The following CCDC60 variants were observed in gnomAD, a reference collection of about 807,000 sequenced individuals.
CCDC60 encodes the protein coiled-coil domain containing 60.
In CCDC60, 54 loss-of-function variants were observed where a neutral mutation model predicts 63.5. The observed-to-expected ratio is 0.85, with a 90% CI of 0.68 to 1.07. The LOEUF (loss-of-function observed/expected upper bound fraction) is 1.07. CCDC60 is among the 50% of genes least tolerant of loss of function. CCDC60 has a pLI of 0.00. For synonymous variants in CCDC60, 206 were observed against 238.8 expected (o/e 0.86, Z 1.27); for missense variants, 651 against 684.3 (o/e 0.95, Z 0.54).
chr12:119,515,402 C>T (rs1013982691), intron 7 of CCDC60, among the ~76,000 whole-genome samples: 1 of 151,468 alleles, frequency 6.6e-6, no homozygotes, highest in African/African-American at 2.4e-5. Context: ...CTCACTGCAG[C>T]CTTGACTTCC....
intron 4 of CCDC60, among the ~76,000 whole-genome samples, chr12:119,486,838 G>A (rs1362557616): frequency 2.0e-5 from 3 of 152,108 alleles, no homozygotes; most frequent in Non-Finnish European, 4.4e-5. Flanking sequence ...CTGAAGTGGT[G>A]CCTTCCTGGA....
intron 2 of CCDC60, among the ~76,000 whole-genome samples, chr12:119,462,710 C>T (rs924201855): frequency 3.3e-5 from 5 of 152,202 alleles, no homozygotes; most frequent in Admixed American, 3.3e-4. Flanking sequence ...CATCCTCAAA[C>T]TCCTGGCTTA....
intron 13 of CCDC60, among the ~76,000 whole-genome samples, 170 bp downstream of exon 13, chr12:119,531,233 G>A (rs1952832705): frequency 6.6e-6 from 1 of 152,164 alleles, no homozygotes; most frequent in Admixed American, 6.6e-5. Context: ...AACTCCAACT[G>A]CAAGGGACAT....
intron 2 of CCDC60, among the ~76,000 whole-genome samples, chr12:119,435,908 A>G (rs1950315727): frequency 6.6e-6 from 1 of 152,108 alleles, no homozygotes; most frequent in African/African-American, 2.4e-5. Flanking sequence ...ATTCTCTCAT[A>G]TGTTTGGAGG....
intron 2 of CCDC60, among the ~76,000 whole-genome samples, chr12:119,459,704 C>T (rs1396623209): frequency 6.6e-6 from 1 of 152,166 alleles, no homozygotes; most frequent in Non-Finnish European, 1.5e-5. Flanking sequence ...TAAACTGGTT[C>T]ATCTGGTCTT....
At chr12:119,469,471 G>A (rs1951014775) in intron 2 of CCDC60, among the ~76,000 whole-genome samples, 1 of 152,106 alleles carries the variant, frequency 6.6e-6, no homozygotes, top group African/African-American at 2.4e-5. Context: ...TGTTGGCCAG[G>A]CTGGTCTCAA....
intron 1 of CCDC60, among the ~76,000 whole-genome samples, chr12:119,360,182 C>T (rs1440947186): frequency 6.6e-6 from 1 of 151,152 alleles, no homozygotes; most frequent in East Asian, 2.0e-4. Flanking sequence ...CCCCACCTCC[C>T]TCCCGGACAG....
chr12:119,525,352 A>T (rs1952653944), intron 11 of CCDC60, among the ~76,000 whole-genome samples: 1 of 152,236 alleles, frequency 6.6e-6, no homozygotes, highest in African/African-American at 2.4e-5. Context: ...CATAATCATC[A>T]GGTTTTCCAA....
intron 2 of CCDC60, chr12:119,429,047 G>C (rs757324217): frequency 3.6e-5 from 11 of 303,340 alleles, no homozygotes; most frequent in Non-Finnish European, 6.7e-5. Flanking sequence ...CCATGCTCCA[G>C]AAAACCTTCC....
intron 1 of CCDC60, among the ~76,000 whole-genome samples, chr12:119,361,510 C>T (rs1019714144): frequency 2.0e-5 from 3 of 151,862 alleles, no homozygotes; most frequent in Non-Finnish European, 4.4e-5. Context: ...GGCTTAGGAA[C>T]AGCAGGGAAA....
intron 1 of CCDC60, among the ~76,000 whole-genome samples, chr12:119,355,982 C>T (rs1955713480): frequency 6.6e-6 from 1 of 152,158 alleles, no homozygotes; most frequent in Non-Finnish European, 1.5e-5. Context: ...CAAGTCCCAC[C>T]TCCTCAGTCA....
chr12:119,463,682 T>C (rs908681843), intron 2 of CCDC60, among the ~76,000 whole-genome samples: 2 of 152,268 alleles, frequency 1.3e-5, no homozygotes, highest in East Asian at 3.8e-4. Context: ...AGGGCTCTTA[T>C]GTGAATGCTT....
intron 1 of CCDC60, among the ~76,000 whole-genome samples, chr12:119,421,015 C>T (rs1220970469): frequency 6.6e-6 from 1 of 152,024 alleles, no homozygotes; most frequent in African/African-American, 2.4e-5. Flanking sequence ...AAGCTCGCTT[C>T]TCAGTGCTGT....
chr12:119,417,409 A>G (rs1008177105), intron 1 of CCDC60, among the ~76,000 whole-genome samples: 2 of 151,982 alleles, frequency 1.3e-5, no homozygotes, highest in Non-Finnish European at 2.9e-5. Context: ...ACTTTTTGGA[A>G]TACATCAGCA....
chr12:119,465,711 C>T (rs577072250), intron 2 of CCDC60, among the ~76,000 whole-genome samples: 43 of 150,658 alleles, frequency 2.9e-4, no homozygotes, highest in African/African-American at 5.6e-4. Context: ...TGAGCTGACA[C>T]GGTGCCACTG....
intron 1 of CCDC60, among the ~76,000 whole-genome samples, chr12:119,419,085 A>C (rs1190134558): frequency 6.6e-6 from 1 of 152,208 alleles, no homozygotes; most frequent in African/African-American, 2.4e-5. Context: ...GGCTCAATCA[A>C]GCAATCTTTG....
intron 7 of CCDC60, among the ~76,000 whole-genome samples, chr12:119,507,608 ATATATAT>A (rs1411397985): frequency 7.3e-5 from 2 of 27,570 alleles, no homozygotes; most frequent in African/African-American, 1.7e-4. Flanking sequence ...ATATATATAT[ATATATAT>A]TTTTTTTTTT....
chr12:119,340,035 T>C (rs1022138535), intron 1 of CCDC60, among the ~76,000 whole-genome samples: 1 of 152,224 alleles, frequency 6.6e-6, no homozygotes, highest in Non-Finnish European at 1.5e-5. Flanking sequence ...AAACAAGCGT[T>C]ATCACGTTTT....
At chr12:119,480,168 A>T (rs1951272939) in intron 4 of CCDC60, among the ~76,000 whole-genome samples, 1 of 152,198 alleles carries the variant, frequency 6.6e-6, no homozygotes, top group Admixed American at 6.5e-5. Context: ...GTTCACAGTG[A>T]TAATGGCCAC....
Sources: gnomAD v4.1 joint callset for allele counts (sites outside exome capture counted in the v4.1 genomes callset) on GRCh38, gnomAD v4.1.1 for gene constraint, MANE v1.5 for transcripts, NCBI Gene and HGNC (gene_info 2026-07-23, HGNC 2026-07-21) for gene names.